The following OGFOD1 variants were observed in gnomAD, a reference collection of about 807,000 sequenced individuals.
OGFOD1 encodes 2-oxoglutarate and iron dependent oxygenase domain containing 1.
A neutral mutation model predicts 67.7 loss-of-function variants in OGFOD1; 54 were observed. The observed-to-expected ratio is 0.80, with a 90% CI of 0.64 to 1.00. The LOEUF (loss-of-function observed/expected upper bound fraction) is 1.00. Ranked by LOEUF, OGFOD1 falls within the 50% of genes least tolerant of loss-of-function variation. The probability of loss-of-function intolerance (pLI) is 0.00; values close to 1 mark genes in which losing one functional copy is unlikely to be tolerated. For missense variants in OGFOD1, 606 were observed against 646.7 expected, an observed-to-expected ratio of 0.94 and a Z score of 0.68; for synonymous variants, 221 against 227.0, an observed-to-expected ratio of 0.97 and a Z score of 0.24.
chr16:56,467,864 AATT>A (rs745829160), intron 7 of OGFOD1, 38 bp from the exon 8 acceptor site: 2 of 912,192 alleles, frequency 2.2e-6, no homozygotes, highest in Non-Finnish European at 3.7e-6. Flanking sequence ...AAGCAATAGG[AATT>A]ATTAACTCAC....
At chr16:56,469,289 TA>T (rs1963039589) in intron 8 of OGFOD1, among the ~76,000 whole-genome samples, 1 of 152,242 alleles carries the variant, frequency 6.6e-6, no homozygotes, top group African/African-American at 2.4e-5. Flanking sequence ...TCGGAATTGT[TA>T]TACAGAGATT....
intron 2 of OGFOD1, among the ~76,000 whole-genome samples, chr16:56,456,003 T>G (rs1962511488): frequency 6.6e-6 from 1 of 152,208 alleles, no homozygotes; most frequent in South Asian, 2.1e-4. Flanking sequence ...TGTGTCCAGT[T>G]CCTCTCCTGT....
At chr16:56,474,703 A>C (rs1963374539) in intron 10 of OGFOD1, 125 bp from the exon 11 acceptor site, 3 of 688,364 alleles carry the variant, frequency 4.4e-6, no homozygotes, top group Non-Finnish European at 7.1e-6. Flanking sequence ...ATAGCACTTC[A>C]ATCAAAGGTT....
In OGFOD1 at chr16:56,478,998, G is replaced by A. The variant is rs1258282339; in HGVS notation, c.*2793G>A. The A allele has an allele frequency of 6.6e-6, 1 of 152,100 alleles. No homozygotes were observed. Among genetic ancestry groups the A allele is most frequent in the Non-Finnish European group, 1.5e-5 (1 of 68,016 alleles). 9.4% of individuals were successfully genotyped at this position (152,100 alleles called of 1,614,324 possible). On this transcript the variant is annotated 3_prime_UTR_variant, in exon 13 of 13. Transcript: ENST00000566157. Reference sequence around the variant, plus strand: ...ATTTTGCATCTTGATTGCTTTTTAGGGCCTGGGGCCAATGTCAACAACTCT... The same window carrying A: ...ATTTTGCATCTTGATTGCTTTTTAGAGCCTGGGGCCAATGTCAACAACTCT...
chr16:56,470,268 A>T, intron 9 of OGFOD1, 186 bp downstream of exon 9: 2 of 659,512 alleles, frequency 3.0e-6, no homozygotes, highest in Non-Finnish European at 5.2e-6. Flanking sequence ...ACACCCAATA[A>T]TAGGACACTT....
intron 4 of OGFOD1, among the ~76,000 whole-genome samples, chr16:56,463,268 C>G (rs1962777389): frequency 6.6e-6 from 1 of 151,488 alleles, no homozygotes; most frequent in African/African-American, 2.4e-5. Context: ...TGAGTGTACT[C>G]TCATACACTG....
intron 3 of OGFOD1, among the ~76,000 whole-genome samples, chr16:56,460,420 T>C (rs1962675818): frequency 6.6e-6 from 1 of 152,260 alleles, no homozygotes; most frequent in Non-Finnish European, 1.5e-5. Context: ...TGAAAGCTAA[T>C]GTTACCAGTA....
At chr16:56,461,342 G>T (rs1398937014) in intron 3 of OGFOD1, among the ~76,000 whole-genome samples, 1 of 152,218 alleles carries the variant, frequency 6.6e-6, no homozygotes, top group East Asian at 1.9e-4. Context: ...CCATGGAAGT[G>T]CTGGGAGGGT....
intron 2 of OGFOD1, among the ~76,000 whole-genome samples, chr16:56,456,511 A>T (rs1216047270): frequency 6.6e-6 from 1 of 152,218 alleles, no homozygotes; most frequent in Admixed American, 6.5e-5. Context: ...CCGAGGGCTC[A>T]GGCCAAAAAG....
chr16:56,468,683 G>A lies in OGFOD1; in HGVS notation c.900+665G>A, dbSNP rs189083560. Among the ~76,000 whole-genome samples the A allele has an allele frequency of 1.2e-3, 176 of 151,120 alleles. 2 individuals are homozygous for A. In the East Asian group the frequency reaches 0.027, roughly 23 times the overall value. On this transcript the variant is annotated intron_variant, in intron 8 of 12. Transcript: ENST00000566157. ...AGAGGTTGCAGTGAGCTGAGATTGC[G>A]CCATTGCACTCCAGCCTGGGTGACA...
rs748481573 is a variant in OGFOD1, at chr16:56,458,555, AT to A, written c.311del (p.Leu104Ter). On this transcript the variant is annotated frameshift_variant, in exon 3 of 13. Coordinates refer to ENST00000566157, the MANE Select transcript of OGFOD1 (RefSeq NM_018233.4). LOFTEE classifies it high-confidence loss of function. Reference sequence around the variant, plus strand: ...TCTATTTTCATGATCAAGTCTGATGATTTGAAGAAGAGAAGAGAGCCTCACA... The same window carrying A: ...TCTATTTTCATGATCAAGTCTGATGATTGAAGAAGAGAAGAGAGCCTCACA... The part of the protein sequence containing the change: ...NDLYKFQQSD[D>X]LKKRREPHIS... 2.0e-5 allele frequency: 33 copies of A among 1,613,338 alleles called. No individual in the cohort carries two copies. Among genetic ancestry groups the A allele is most frequent in the South Asian group, 4.4e-5 (4 of 91,066 alleles).
At chr16:56,453,460 A>C (rs376114840) in intron 2 of OGFOD1, 52 bp downstream of exon 2, 1 of 1,566,534 alleles carries the variant, frequency 6.4e-7, no homozygotes. Context: ...TTCACTGTCT[A>C]TGAAGTCATT....
In OGFOD1 at chr16:56,470,512, A is replaced by G; in HGVS notation, c.1006A>G (p.Lys336Glu). The G allele has an allele frequency of 3.7e-6, 6 of 1,612,692 alleles. No individual in the cohort carries two copies. Among genetic ancestry groups the G allele is most frequent in the Non-Finnish European group, 5.1e-6 (6 of 1,179,496 alleles). Residue 336 changes from lysine (K) to glutamate (E), a missense_variant, in exon 10 of 13, where the codon AAG (lysine) becomes GAG (glutamate). Physicochemically the swap from Lys to Glu is moderately conservative, Grantham distance 56. Coordinates refer to ENST00000566157, the MANE Select transcript of OGFOD1 (RefSeq NM_018233.4). ...KRFYEKAEES[K>E]LPEILKECMK... is the part of the protein sequence containing the mutation. ...GTTTTATGAGAAAGCTGAGGAGAGT[A>G]AGCTTCCTGAGATATTGAAGGAGTG...
At chr16:56,456,659 A>G (rs1962533076) in intron 2 of OGFOD1, among the ~76,000 whole-genome samples, 1 of 152,176 alleles carries the variant, frequency 6.6e-6, no homozygotes, top group African/African-American at 2.4e-5. Context: ...ATAAAGTAAC[A>G]CCTATTTTTA....
At chr16:56,459,994 CATT>C (rs1962659525) in intron 3 of OGFOD1, among the ~76,000 whole-genome samples, 1 of 151,986 alleles carries the variant, frequency 6.6e-6, no homozygotes, top group Non-Finnish European at 1.5e-5. Context: ...TATTTATTCT[CATT>C]ATATTTTTTC....
At chr16:56,469,892 A>G in intron 8 of OGFOD1, 111 bp from the exon 9 acceptor site, 1 of 653,062 alleles carries the variant, frequency 1.5e-6, no homozygotes, top group Non-Finnish European at 2.6e-6. Context: ...AGTCAACTGC[A>G]CCTTTTAGGA....
intron 1 of OGFOD1, among the ~76,000 whole-genome samples, chr16:56,452,980 A>C (rs1962392165): frequency 6.6e-6 from 1 of 151,970 alleles, no homozygotes; most frequent in South Asian, 2.1e-4. Context: ...TTCAATATGT[A>C]ATCATTGAAA....
At chr16:56,470,261 C>T (rs891286364) in intron 9 of OGFOD1, 179 bp downstream of exon 9, 153 of 667,542 alleles carry the variant, frequency 2.3e-4, no homozygotes, top group Non-Finnish European at 3.5e-4. Context: ...AAGGCTCACA[C>T]CCAATAATAG....
rs1479307476 is a variant in OGFOD1, at chr16:56,476,062, G to C, written c.1486G>C (p.Glu496Gln). Reference protein sequence around the residue: ...EDEELLTVNPESNSLALVYRD... With the variant: ...EDEELLTVNPQSNSLALVYRD... The stretch of plus-strand genomic sequence containing the variant: ...TTTTCAGCTGCTAACAGTGAATCCA[G>C]AAAGCAATTCTTTGGCATTGGTCTA... Residue 496 changes from glutamate (E) to glutamine (Q), a missense_variant, in exon 13 of 13, where the codon GAA (glutamate) becomes CAA (glutamine). Coordinates refer to ENST00000566157, the MANE Select transcript of OGFOD1 (RefSeq NM_018233.4). 2 of 1,612,556 alleles carry C rather than the reference G, an allele frequency of 1.2e-6. No homozygotes were observed. Among genetic ancestry groups the C allele is most frequent in the African/African-American group, 2.7e-5 (2 of 74,776 alleles).
Sources: allele counts gnomAD v4.1 joint callset (sites outside exome capture counted in the v4.1 genomes callset), GRCh38; gene constraint gnomAD v4.1.1; transcripts MANE v1.5; gene names NCBI Gene and HGNC (gene_info 2026-07-23, HGNC 2026-07-21).